The following TMEM132D variants were observed in gnomAD, a reference collection of about 807,000 sequenced individuals.
The protein encoded by TMEM132D is transmembrane protein 132D, also known as mature OL transmembrane protein.
In TMEM132D, 21 loss-of-function variants were observed where a neutral mutation model predicts 62.3. The observed-to-expected ratio is 0.34, with a 90% confidence interval of 0.24 to 0.49. The LOEUF (loss-of-function observed/expected upper bound fraction) is 0.49. Among genes scored for constraint, TMEM132D ranks in the 20% least tolerant of loss-of-function variants. The probability of loss-of-function intolerance (pLI) is 0.99; values close to 1 mark genes in which losing one functional copy is unlikely to be tolerated. For missense variants in TMEM132D, 1,346 were observed against 1,402.8 expected (o/e 0.96, Z 0.65); for synonymous variants, 621 against 575.6 (o/e 1.08, Z -1.13).
intron 4 of TMEM132D, among the ~76,000 whole-genome samples, chr12:129,244,398 A>AC (rs1323686880): frequency 1.3e-5 from 2 of 149,416 alleles, no homozygotes; most frequent in African/African-American, 5.0e-5. Context: ...AAAAAAAAAA[A>AC]AAAAAAAAAA....
chr12:129,266,975 C>G (rs1477124251), intron 4 of TMEM132D, among the ~76,000 whole-genome samples: 1 of 152,142 alleles, frequency 6.6e-6, no homozygotes, highest in Non-Finnish European at 1.5e-5. Flanking sequence ...ATGGTTACCA[C>G]TCCCTGGCAA....
intron 1 of TMEM132D, among the ~76,000 whole-genome samples, chr12:129,831,468 C>A (rs780804344): frequency 1.3e-5 from 2 of 152,206 alleles, no homozygotes; most frequent in Non-Finnish European, 2.9e-5. Context: ...CGCTCTGAGG[C>A]CCGACAGCTT....
chr12:129,544,088 G>A (rs531488124), intron 2 of TMEM132D, among the ~76,000 whole-genome samples: 11 of 152,278 alleles, frequency 7.2e-5, no homozygotes, highest in East Asian at 1.9e-4. Flanking sequence ...TCCTATACAC[G>A]TTTATATCCA....
intron 4 of TMEM132D, among the ~76,000 whole-genome samples, chr12:129,329,050 A>G (rs1423035356): frequency 6.7e-6 from 1 of 149,866 alleles, no homozygotes; most frequent in African/African-American, 2.4e-5. Context: ...ATATATATAA[A>G]GAATATACTT....
intron 1 of TMEM132D, among the ~76,000 whole-genome samples, chr12:129,795,571 G>T (rs1871538701): frequency 6.6e-6 from 1 of 152,174 alleles, no homozygotes; most frequent in South Asian, 2.1e-4. Context: ...GCATTCTGTT[G>T]TCACTTATAT....
chr12:129,632,638 C>A (rs747608604), intron 2 of TMEM132D, among the ~76,000 whole-genome samples: 1 of 152,192 alleles, frequency 6.6e-6, no homozygotes, highest in Non-Finnish European at 1.5e-5. Flanking sequence ...TCCCTCGAGG[C>A]CACTCCATCT....
chr12:129,672,140 G>T (rs1051469750), intron 2 of TMEM132D, among the ~76,000 whole-genome samples: 12 of 152,214 alleles, frequency 7.9e-5, no homozygotes, highest in Non-Finnish European at 4.4e-5. Context: ...ATGTGAAAGA[G>T]AGGTTGGTAA....
intron 1 of TMEM132D, among the ~76,000 whole-genome samples, chr12:129,813,643 T>C (rs1160336725): frequency 6.7e-6 from 1 of 149,956 alleles, no homozygotes; most frequent in Non-Finnish European, 1.5e-5. Flanking sequence ...TTCAGGACTA[T>C]TTCAGACATT....
intron 4 of TMEM132D, among the ~76,000 whole-genome samples, chr12:129,308,998 C>T (rs537847029): frequency 2.0e-5 from 3 of 152,306 alleles, no homozygotes; most frequent in Admixed American, 6.5e-5. Context: ...GTGAGCAAAA[C>T]GCCAAACACC....
At chr12:129,318,552 G>C (rs1414471604) in intron 4 of TMEM132D, among the ~76,000 whole-genome samples, 1 of 152,140 alleles carries the variant, frequency 6.6e-6, no homozygotes, top group Non-Finnish European at 1.5e-5. Context: ...AGGTGGCAGG[G>C]GTGTGCAATG....
intron 1 of TMEM132D, among the ~76,000 whole-genome samples, chr12:129,886,445 T>A (rs1874750905): frequency 6.6e-6 from 1 of 152,178 alleles, no homozygotes; most frequent in African/African-American, 2.4e-5. Flanking sequence ...TCAGAAAATA[T>A]ACAGACGTTA....
chr12:129,476,740 C>G (rs1874271397), intron 3 of TMEM132D, among the ~76,000 whole-genome samples: 1 of 152,146 alleles, frequency 6.6e-6, no homozygotes, highest in East Asian at 1.9e-4. Flanking sequence ...TGCTCAGATC[C>G]ATTAAATGGG....
chr12:129,324,499 C>A (rs757087269), intron 4 of TMEM132D, among the ~76,000 whole-genome samples: 3 of 152,118 alleles, frequency 2.0e-5, no homozygotes, highest in Non-Finnish European at 4.4e-5. Flanking sequence ...GGACATTCAA[C>A]GTTACTTTTA....
At chr12:129,500,289 G>C (rs577714141) in intron 3 of TMEM132D, among the ~76,000 whole-genome samples, 9 of 149,614 alleles carry the variant, frequency 6.0e-5, no homozygotes, top group Non-Finnish European at 8.9e-5. Flanking sequence ...TACCCTGAGC[G>C]GGGAGGCAAT....
intron 1 of TMEM132D, among the ~76,000 whole-genome samples, chr12:129,772,104 C>CT (rs146404113): frequency 2.6e-5 from 4 of 151,760 alleles, no homozygotes; most frequent in East Asian, 1.9e-4. Context: ...TGGAAGAAGC[C>CT]TTTTTAAAAA....
At chr12:129,308,232 T>A (rs1400549965) in intron 4 of TMEM132D, among the ~76,000 whole-genome samples, 1 of 152,244 alleles carries the variant, frequency 6.6e-6, no homozygotes, top group African/African-American at 2.4e-5. Context: ...CAATTTTTAC[T>A]GACTTATTCA....
chr12:129,243,793 C>A (rs879725019), intron 4 of TMEM132D, among the ~76,000 whole-genome samples: 1 of 152,172 alleles, frequency 6.6e-6, no homozygotes, highest in Non-Finnish European at 1.5e-5. Context: ...TATCAAATAG[C>A]AAATTACTCT....
At chr12:129,372,653 C>A (rs1333279810) in intron 3 of TMEM132D, among the ~76,000 whole-genome samples, 1 of 151,864 alleles carries the variant, frequency 6.6e-6, no homozygotes. Context: ...TGCTGTAGTG[C>A]AAACTATGCA....
chr12:129,204,912 A>G (rs1020847833), intron 5 of TMEM132D, among the ~76,000 whole-genome samples: 1 of 152,206 alleles, frequency 6.6e-6, no homozygotes, highest in African/African-American at 2.4e-5. Flanking sequence ...CAAAAATTTC[A>G]TATCCAAACT....
Sources: gnomAD v4.1 joint callset for allele counts (sites outside exome capture counted in the v4.1 genomes callset) on GRCh38, gnomAD v4.1.1 for gene constraint, MANE v1.5 for transcripts, NCBI Gene and HGNC (gene_info 2026-07-23, HGNC 2026-07-21) for gene names.